CHD6: variants seen among roughly 807,000 people sequenced by gnomAD.
CHD6 encodes the protein ATP-dependent chromatin remodeler CHD6.
In CHD6, 50 loss-of-function variants were observed where a neutral mutation model predicts 276.9. That is an observed-to-expected ratio of 0.18 (90% CI 0.14 to 0.23). The LOEUF (loss-of-function observed/expected upper bound fraction) is 0.23. Among genes scored for constraint, CHD6 ranks in the 10% least tolerant of loss-of-function variants. CHD6 has a pLI of 1.00. For synonymous variants in CHD6, 1,173 were observed against 1,229.3 expected, an observed-to-expected ratio of 0.95 and a Z score of 0.96; for missense variants, 2,564 against 3,365.8, an observed-to-expected ratio of 0.76 and a Z score of 5.89.
chr20:41,547,668 A>G, intron 2 of CHD6: 1 of 728,594 alleles, frequency 1.4e-6, no homozygotes, highest in South Asian at 1.3e-5. Context: ...CCTAATCATC[A>G]AAGCCCTCAA....
At chr20:41,461,570 C>G (rs1021360147) in intron 17 of CHD6, 1 of 168,236 alleles carries the variant, frequency 5.9e-6, no homozygotes, top group Non-Finnish European at 1.2e-5. Context: ...GTAAGAAGAG[C>G]CTTTCGCCTC....
intron 1 of CHD6, among the ~76,000 whole-genome samples, chr20:41,580,589 G>C (rs974038031): frequency 7.2e-6 from 1 of 139,788 alleles, no homozygotes; most frequent in Admixed American, 7.6e-5. Context: ...AAGCCTGGGA[G>C]GTCAAAGTTG....
At chr20:41,489,548 C>T (rs1401062066) in intron 12 of CHD6, among the ~76,000 whole-genome samples, 1 of 152,142 alleles carries the variant, frequency 6.6e-6, no homozygotes, top group Non-Finnish European at 1.5e-5. Context: ...CTTTCAGTGT[C>T]CTAAAAAAGG....
intron 17 of CHD6, among the ~76,000 whole-genome samples, chr20:41,472,617 C>T (rs940565790): frequency 6.6e-6 from 1 of 152,156 alleles, no homozygotes; most frequent in Admixed American, 6.5e-5. Flanking sequence ...TGGCTGACTT[C>T]GCGTCCCATA....
chr20:41,543,232 C>T (rs980435288), intron 2 of CHD6, among the ~76,000 whole-genome samples: 1 of 152,196 alleles, frequency 6.6e-6, no homozygotes, highest in African/African-American at 2.4e-5. Flanking sequence ...ATTATGACTC[C>T]ATTTTACAGA....
chr20:41,497,126 T>C (rs983486933), intron 8 of CHD6: 37 of 419,120 alleles, frequency 8.8e-5, no homozygotes, highest in Non-Finnish European at 1.8e-5. Flanking sequence ...TTCCTCTCAC[T>C]CTAGCTATTT....
At position 41,405,509 on chromosome 20, in the gene CHD6, C is replaced by T; in HGVS notation, c.7252-20G>A. The stretch of plus-strand genomic sequence containing the variant: ...AAACCCCTGGAAAAACAAAGAAACA[C>T]AAAATGCTGAAGGCAACAGGATGGC... On this transcript the variant is annotated intron_variant, in intron 36 of 36. Transcript: ENST00000373233. The T allele has an allele frequency of 1.3e-6, 2 of 1,536,172 alleles. No individual in the cohort carries two copies. The highest frequency in any genetic ancestry group is 1.8e-6 in the Non-Finnish European group (2 of 1,141,104).
chr20:41,466,941 A>G lies in CHD6; in HGVS notation c.2664+6381T>C, dbSNP rs531176720. 7.2e-5 allele frequency among the ~76,000 whole-genome samples: 11 copies of G among 152,268 alleles called. 1 individual carries two copies. Among genetic ancestry groups the G allele is most frequent in the African/African-American group, 2.6e-4 (11 of 41,560 alleles). ...AAGTTCTGCTTTCCTGTAAAAACCA[A>G]CATGCCTGCTTTCCTTATTTTTCCT... On this transcript the variant is annotated intron_variant, in intron 17 of 36. Transcript: ENST00000373233.
intron 2 of CHD6, among the ~76,000 whole-genome samples, chr20:41,537,605 G>T (rs879369973): frequency 2.0e-4 from 31 of 152,074 alleles, no homozygotes; most frequent in Non-Finnish European, 4.1e-4. Context: ...TCAGATAAGG[G>T]TCTAGTGTCT....
chr20:41,586,745 G>A (rs1028597713), intron 1 of CHD6, among the ~76,000 whole-genome samples: 35 of 152,098 alleles, frequency 2.3e-4, no homozygotes, highest in Non-Finnish European at 4.4e-4. Context: ...CATGGTCATC[G>A]TGATACACAA....
chr20:41,448,331 G>T (rs1207482414), intron 23 of CHD6, among the ~76,000 whole-genome samples: 2 of 152,182 alleles, frequency 1.3e-5, no homozygotes, highest in Non-Finnish European at 2.9e-5. Context: ...TGAGCAGGGT[G>T]AACAGTGGTG....
At chr20:41,532,262 T>C (rs1054717875) in intron 3 of CHD6, among the ~76,000 whole-genome samples, 1 of 152,318 alleles carries the variant, frequency 6.6e-6, no homozygotes, top group Non-Finnish European at 1.5e-5. Flanking sequence ...TCCTAAGCAC[T>C]TGTCAATGTG....
intron 2 of CHD6, among the ~76,000 whole-genome samples, chr20:41,546,864 C>T (rs182080844): frequency 1.1e-3 from 163 of 152,308 alleles, no homozygotes; most frequent in Middle Eastern, 0.01. Flanking sequence ...TTTCTCACAA[C>T]GATTCTTTAG....
At chr20:41,511,398 A>G (rs1201935233) in intron 5 of CHD6, among the ~76,000 whole-genome samples, 1 of 152,056 alleles carries the variant, frequency 6.6e-6, no homozygotes, top group Non-Finnish European at 1.5e-5. Flanking sequence ...TCTTCTCTAT[A>G]AGCTCCTTGG....
At chr20:41,499,871 C>T (rs2043790616) in intron 5 of CHD6, among the ~76,000 whole-genome samples, 1 of 152,102 alleles carries the variant, frequency 6.6e-6, no homozygotes, top group African/African-American at 2.4e-5. Context: ...TTTTCACATA[C>T]TATTCAAAAT....
intron 29 of CHD6, among the ~76,000 whole-genome samples, 154 bp from the exon 30 acceptor site, chr20:41,423,854 G>A (rs2047276281): frequency 6.6e-6 from 1 of 152,196 alleles, no homozygotes; most frequent in African/African-American, 2.4e-5. Flanking sequence ...GTTAAACTGG[G>A]CTGAAGGGCT....
intron 2 of CHD6, among the ~76,000 whole-genome samples, chr20:41,550,016 G>T (rs937353686): frequency 1.3e-5 from 2 of 152,166 alleles, no homozygotes; most frequent in Admixed American, 1.3e-4. Context: ...GGCCAGGCTG[G>T]TCTCAAACTC....
chr20:41,516,116 T>C (rs1156762241), intron 3 of CHD6, among the ~76,000 whole-genome samples: 1 of 152,206 alleles, frequency 6.6e-6, no homozygotes, highest in Non-Finnish European at 1.5e-5. Flanking sequence ...CACATTCTTT[T>C]ACATGAATTA....
At chr20:41,488,939 A>T (rs532799164) in intron 12 of CHD6, among the ~76,000 whole-genome samples, 1 of 152,328 alleles carries the variant, frequency 6.6e-6, no homozygotes, top group Non-Finnish European at 1.5e-5. Flanking sequence ...CCCAGCCAGG[A>T]GTCCATCTAA....
Sources: allele counts gnomAD v4.1 joint callset (sites outside exome capture counted in the v4.1 genomes callset), GRCh38; gene constraint gnomAD v4.1.1; transcripts MANE v1.5; gene names NCBI Gene and HGNC (gene_info 2026-07-23, HGNC 2026-07-21).